The following EYA4 variants were observed in gnomAD, a reference collection of about 807,000 sequenced individuals.
EYA4 encodes the protein EYA transcriptional coactivator and phosphatase 4, also known as protein phosphatase EYA4.
EYA4 carries 31 observed loss-of-function variants against 87.9 expected under a neutral mutation model. That is an observed-to-expected ratio of 0.35 (90% CI 0.27 to 0.48). EYA4 has a LOEUF of 0.48. EYA4 is among the 20% of genes least tolerant of loss of function. EYA4 has a pLI of 0.99. For synonymous variants in EYA4, 263 were observed against 270.6 expected (o/e 0.97, Z 0.28); for missense variants, 678 against 761.4 (o/e 0.89, Z 1.29).
At chr6:133,352,153 TTTTA>T (rs1205847911) in intron 2 of EYA4, among the ~76,000 whole-genome samples, 5 of 152,220 alleles carry the variant, frequency 3.3e-5, no homozygotes, top group African/African-American at 1.2e-4. Flanking sequence ...TGATTTGCAT[TTTTA>T]TTTTTGTTGC....
intron 3 of EYA4, among the ~76,000 whole-genome samples, chr6:133,444,903 T>A (rs1016391241): frequency 1.3e-5 from 2 of 152,224 alleles, no homozygotes; most frequent in African/African-American, 4.8e-5. Flanking sequence ...CTGACCATAG[T>A]CAGCTTTTTA....
At chr6:133,449,312 T>A (rs1319344137) in intron 5 of EYA4, among the ~76,000 whole-genome samples, 4 of 152,224 alleles carry the variant, frequency 2.6e-5, no homozygotes, top group African/African-American at 9.6e-5. Flanking sequence ...TTCATATAAT[T>A]TTCATGTGTC....
intron 3 of EYA4, among the ~76,000 whole-genome samples, chr6:133,392,647 G>C (rs1005960675): frequency 6.6e-6 from 1 of 152,146 alleles, no homozygotes; most frequent in African/African-American, 2.4e-5. Flanking sequence ...TTCTACAGTG[G>C]ATACTTATTT....
chr6:133,516,333 C>T (rs767635407), intron 17 of EYA4, among the ~76,000 whole-genome samples: 5 of 151,794 alleles, frequency 3.3e-5, no homozygotes, highest in African/African-American at 7.3e-5. Flanking sequence ...AGCAAAACCC[C>T]GTGACCTATA....
intron 3 of EYA4, among the ~76,000 whole-genome samples, chr6:133,388,592 A>C (rs1786977811): frequency 6.6e-6 from 1 of 152,106 alleles, no homozygotes; most frequent in South Asian, 2.1e-4. Context: ...TGTAGAGTTC[A>C]TCATTTTCTA....
intron 11 of EYA4, among the ~76,000 whole-genome samples, chr6:133,476,437 C>T (rs1402168864): frequency 1.3e-5 from 2 of 152,056 alleles, no homozygotes; most frequent in Admixed American, 1.3e-4. Flanking sequence ...TTGGCAACCA[C>T]CATCTTACTC....
At chr6:133,285,466 C>G (rs1777979707) in intron 2 of EYA4, among the ~76,000 whole-genome samples, 1 of 152,084 alleles carries the variant, frequency 6.6e-6, no homozygotes, top group South Asian at 2.1e-4. Flanking sequence ...CAGAACAAGG[C>G]AGAAATAAGG....
intron 3 of EYA4, among the ~76,000 whole-genome samples, chr6:133,395,490 T>A (rs1236651138): frequency 6.6e-6 from 1 of 152,198 alleles, no homozygotes; most frequent in African/African-American, 2.4e-5. Context: ...TGGGCTGTGG[T>A]GGCTCCCGCC....
At position 133,515,435 on chromosome 6, in the gene EYA4, G is replaced by C; in HGVS notation, c.1616G>C (p.Arg539Thr). 6.6e-7 allele frequency: 1 copy of C among 1,505,354 alleles called. No individual in the cohort carries two copies. Among genetic ancestry groups the C allele is most frequent in the Non-Finnish European group, 9.3e-7 (1 of 1,080,810 alleles). The allele number at this position is 1,505,354 out of a possible 1,614,324, so 93.2% of individuals were successfully genotyped here. Residue 539 changes from arginine (R) to threonine (T), a missense_variant and splice_region_variant, in exon 17 of 20, where the codon AGG (arginine) becomes ACG (threonine). Coordinates refer to ENST00000355286, the MANE Select transcript of EYA4 (RefSeq NM_004100.5). Reference sequence around the variant, plus strand: ...AAGTCTTTATCAATTATTAGCACTAGGTAAGTGGAATTGTTACCTTTCTAT... The same window carrying C: ...AAGTCTTTATCAATTATTAGCACTACGTAAGTGGAATTGTTACCTTTCTAT... ...ALKSLSIISTRSNCINVLVTT... is the reference protein window; with the variant it reads ...ALKSLSIISTTSNCINVLVTT...
At chr6:133,299,931 C>CTATATATATATATA (rs1483133674) in intron 2 of EYA4, among the ~76,000 whole-genome samples, 9 of 80,462 alleles carry the variant, frequency 1.1e-4, no homozygotes, top group African/African-American at 3.8e-4. Flanking sequence ...AGATCTCTAT[C>CTATATATATATATA]TATCTATCTA....
chr6:133,454,384 C>T (rs1011746142), intron 5 of EYA4, among the ~76,000 whole-genome samples: 11 of 152,200 alleles, frequency 7.2e-5, no homozygotes, highest in Non-Finnish European at 8.8e-5. Flanking sequence ...TTATACTCTG[C>T]ATTATCTTCA....
intron 3 of EYA4, among the ~76,000 whole-genome samples, chr6:133,446,386 C>T (rs964624196): frequency 3.3e-5 from 5 of 151,944 alleles, no homozygotes; most frequent in Middle Eastern, 3.4e-3. Context: ...GTTATAATAA[C>T]GTGTTATGTT....
intron 14 of EYA4, among the ~76,000 whole-genome samples, chr6:133,512,229 C>A (rs1420546288): frequency 1.3e-5 from 2 of 152,046 alleles, no homozygotes; most frequent in South Asian, 4.1e-4. Context: ...TGGTTCTGGT[C>A]CAGCAGGAAG....
chr6:133,357,320 T>C (rs1006992522), intron 2 of EYA4, among the ~76,000 whole-genome samples: 2 of 151,450 alleles, frequency 1.3e-5, no homozygotes, highest in African/African-American at 2.4e-5. Context: ...ACTAGTCTCT[T>C]TATTTATGCA....
chr6:133,243,333 T>C (rs1181114705), intron 1 of EYA4, among the ~76,000 whole-genome samples: 1 of 152,188 alleles, frequency 6.6e-6, no homozygotes, highest in Admixed American at 6.5e-5. Context: ...ATCAACGTAA[T>C]TGTTGGAGCG....
chr6:133,398,269 AG>A (rs1160744430), intron 3 of EYA4, among the ~76,000 whole-genome samples: 1 of 152,166 alleles, frequency 6.6e-6, no homozygotes, highest in East Asian at 1.9e-4. Flanking sequence ...TGTGTATGCT[AG>A]GGGTGAGGGA....
At chr6:133,432,928 C>G (rs928218964) in intron 3 of EYA4, among the ~76,000 whole-genome samples, 1 of 150,684 alleles carries the variant, frequency 6.6e-6, no homozygotes, top group Non-Finnish European at 1.5e-5. Context: ...GCCCTGTAAA[C>G]CCGAGAAGAT....
At chr6:133,380,213 C>A (rs1266473051) in intron 2 of EYA4, among the ~76,000 whole-genome samples, 4 of 152,126 alleles carry the variant, frequency 2.6e-5, no homozygotes, top group African/African-American at 9.7e-5. Flanking sequence ...CTAAAAATAA[C>A]CACTCTGCTA....
intron 2 of EYA4, among the ~76,000 whole-genome samples, chr6:133,342,574 C>CATATACAT (rs1554230226): frequency 5.0e-5 from 5 of 100,470 alleles, no homozygotes. Flanking sequence ...TACACACTGC[C>CATATACAT]ATATATATAT....
Sources: allele counts gnomAD v4.1 joint callset (sites outside exome capture counted in the v4.1 genomes callset), GRCh38; gene constraint gnomAD v4.1.1; transcripts MANE v1.5; gene names NCBI Gene and HGNC (gene_info 2026-07-23, HGNC 2026-07-21).